The following UST variants were observed in gnomAD, a reference collection of about 807,000 sequenced individuals.
The protein encoded by UST is chondroitin sulfate 2-O-sulfotransferase.
Under a neutral mutation model 45.6 loss-of-function variants are expected in UST, and 21 were observed. The observed-to-expected ratio is 0.46, with a 90% CI of 0.33 to 0.66. The LOEUF (loss-of-function observed/expected upper bound fraction) is 0.66. UST is among the 30% of genes least tolerant of loss of function. The pLI is 0.02. For missense variants in UST, 463 were observed against 512.4 expected (o/e 0.90, Z 0.93); for synonymous variants, 215 against 200.6 (o/e 1.07, Z -0.61).
intron 7 of UST, among the ~76,000 whole-genome samples, chr6:149,023,094 G>A (rs948262014): frequency 8.0e-6 from 1 of 125,684 alleles, no homozygotes; most frequent in African/African-American, 3.1e-5. Context: ...GCTTTATCTT[G>A]TTCTATGGTG....
chr6:148,910,290 A>G (rs1779448245), intron 2 of UST, among the ~76,000 whole-genome samples: 1 of 151,930 alleles, frequency 6.6e-6, no homozygotes, highest in African/African-American at 2.4e-5. Flanking sequence ...ACAGGCATGC[A>G]CCACCACACC....
At position 149,057,636 on chromosome 6, in the gene UST, A is replaced by G. The variant is rs1776586855; in HGVS notation, c.938-16197A>G. ...GAAACAGAAAACCCAATCATCTAAC[A>G]GTAGCAGATGGTTATATGACCTTTA... On this transcript the variant is annotated intron_variant, in intron 7 of 7. Transcript: ENST00000367463. Among the ~76,000 whole-genome samples, 2 of 152,262 alleles carry G rather than the reference A, an allele frequency of 1.3e-5. 1 individual carries two copies. Among genetic ancestry groups the G allele is most frequent in the South Asian group, 4.1e-4 (2 of 4,830 alleles).
At chr6:148,901,414 A>G (rs1779254037) in intron 2 of UST, among the ~76,000 whole-genome samples, 1 of 152,160 alleles carries the variant, frequency 6.6e-6, no homozygotes, top group African/African-American at 2.4e-5. Flanking sequence ...TATATAGCTC[A>G]GGGATCCAGG....
At chr6:148,811,483 G>A (rs552861682) in intron 1 of UST, among the ~76,000 whole-genome samples, 2 of 152,254 alleles carry the variant, frequency 1.3e-5, no homozygotes, top group African/African-American at 4.8e-5. Context: ...GAGAATTGGC[G>A]CCATTTTAAA....
At chr6:149,027,532 C>T (rs1239214138) in intron 7 of UST, among the ~76,000 whole-genome samples, 3 of 152,178 alleles carry the variant, frequency 2.0e-5, no homozygotes, top group Non-Finnish European at 2.9e-5. Flanking sequence ...TTATGGGGTG[C>T]TTTTACCCCC....
chr6:148,786,051 T>C (rs1776728625), intron 1 of UST, among the ~76,000 whole-genome samples: 1 of 152,150 alleles, frequency 6.6e-6, no homozygotes, highest in East Asian at 1.9e-4. Context: ...GAACTCAATC[T>C]TAAGACATTT....
At chr6:148,953,258 A>T (rs1488150188) in intron 3 of UST, among the ~76,000 whole-genome samples, 6 of 152,216 alleles carry the variant, frequency 3.9e-5, no homozygotes, top group Non-Finnish European at 4.4e-5. Context: ...TTGACTTTAA[A>T]GGAAGGGATA....
intron 7 of UST, 105 bp downstream of exon 7, chr6:149,021,586 A>G (rs1775982408): frequency 3.7e-6 from 5 of 1,347,486 alleles, no homozygotes; most frequent in Non-Finnish European, 5.1e-6. Flanking sequence ...ATCTCTTCTG[A>G]TGACAAAGGG....
chr6:149,070,275 C>T (rs1247307570), intron 7 of UST, among the ~76,000 whole-genome samples: 1 of 152,110 alleles, frequency 6.6e-6, no homozygotes, highest in Non-Finnish European at 1.5e-5. Context: ...GATTTTTTAG[C>T]TCTGTTTTAA....
intron 7 of UST, among the ~76,000 whole-genome samples, chr6:149,067,431 G>A (rs933524346): frequency 1.3e-5 from 2 of 152,096 alleles, no homozygotes; most frequent in African/African-American, 2.4e-5. Context: ...ACCCTCCCTG[G>A]ATCCTTAACT....
intron 1 of UST, among the ~76,000 whole-genome samples, chr6:148,860,184 G>A (rs1778283073): frequency 6.6e-6 from 1 of 152,184 alleles, no homozygotes; most frequent in Non-Finnish European, 1.5e-5. Flanking sequence ...GCAGTGGTTT[G>A]TAGTTCTCTT....
intron 1 of UST, 48 bp downstream of exon 1, chr6:148,747,725 G>T: frequency 6.6e-7 from 1 of 1,514,408 alleles, no homozygotes; most frequent in Non-Finnish European, 8.8e-7. Flanking sequence ...GCGCAAAGTT[G>T]TGCGGCGGGG....
At chr6:148,799,871 G>A (rs1186903023) in intron 1 of UST, among the ~76,000 whole-genome samples, 1 of 152,148 alleles carries the variant, frequency 6.6e-6, no homozygotes, top group African/African-American at 2.4e-5. Flanking sequence ...TGGCCTGTAT[G>A]GGGAAGTAGA....
intron 1 of UST, among the ~76,000 whole-genome samples, chr6:148,846,564 T>C (rs1360551510): frequency 1.3e-5 from 2 of 151,876 alleles, no homozygotes; most frequent in Non-Finnish European, 2.9e-5. Flanking sequence ...AACCTGCACA[T>C]TGTGCACATG....
At chr6:148,893,641 G>C (rs1351699) in intron 2 of UST, among the ~76,000 whole-genome samples, 32,084 of 152,152 alleles carry the variant, frequency 0.21, 4,141 homozygotes, top group African/African-American at 0.35. Flanking sequence ...TGCTGAGGCT[G>C]TCAGGCCACA....
intron 2 of UST, among the ~76,000 whole-genome samples, chr6:148,910,382 C>T (rs909990946): frequency 6.6e-6 from 1 of 152,158 alleles, no homozygotes; most frequent in Admixed American, 6.5e-5. Flanking sequence ...TCAGGTGATC[C>T]GCCCGCCTGA....
intron 2 of UST, among the ~76,000 whole-genome samples, chr6:148,899,953 G>T (rs1779215781): frequency 6.6e-6 from 1 of 152,128 alleles, no homozygotes; most frequent in Non-Finnish European, 1.5e-5. Flanking sequence ...TGTTATTGGG[G>T]CTAAATCAAT....
intron 1 of UST, among the ~76,000 whole-genome samples, chr6:148,848,473 C>G (rs1778039107): frequency 6.6e-6 from 1 of 152,060 alleles, no homozygotes; most frequent in South Asian, 2.1e-4. Flanking sequence ...GAGATCGAGT[C>G]CATCCTGGCT....
intron 1 of UST, among the ~76,000 whole-genome samples, chr6:148,792,967 T>C (rs1389831167): frequency 6.6e-6 from 1 of 152,186 alleles, no homozygotes; most frequent in East Asian, 1.9e-4. Context: ...TTGATTGCAA[T>C]AATGATTAAT....
Sources: allele counts gnomAD v4.1 joint callset (sites outside exome capture counted in the v4.1 genomes callset), GRCh38; gene constraint gnomAD v4.1.1; transcripts MANE v1.5; gene names NCBI Gene and HGNC (gene_info 2026-07-23, HGNC 2026-07-21).